GLO1: variants seen among roughly 807,000 people sequenced by gnomAD.
GLO1 encodes glyoxalase I.
In GLO1, 28 loss-of-function variants were observed where a neutral mutation model predicts 26.0. The observed-to-expected ratio is 1.08, with a 90% CI of 0.80 to 1.48. The LOEUF (loss-of-function observed/expected upper bound fraction) is 1.48. Among genes scored for constraint, GLO1 ranks in the 40% most tolerant of loss-of-function variants. The pLI, the probability that GLO1 is intolerant of heterozygous loss-of-function variation, is 0.00. For missense variants in GLO1, 225 were observed against 224.8 expected (o/e 1.00, Z -0.01); for synonymous variants, 78 against 77.6 (o/e 1.00, Z -0.03).
chr6:38,683,215 C>A, intron 3 of GLO1: 1 of 196,430 alleles, frequency 5.1e-6, no homozygotes, highest in Non-Finnish European at 1.0e-5. Context: ...ATGAAACTGC[C>A]ACTTACTTGT....
At chr6:38,685,442 T>A (rs1761449198) in intron 2 of GLO1, among the ~76,000 whole-genome samples, 1 of 152,196 alleles carries the variant, frequency 6.6e-6, no homozygotes, top group Admixed American at 6.5e-5. Context: ...TGAGAATGCA[T>A]ATATGATTTT....
intron 1 of GLO1, among the ~76,000 whole-genome samples, chr6:38,695,310 CATAT>C (rs891961195): frequency 7.9e-5 from 12 of 151,744 alleles, no homozygotes; most frequent in Admixed American, 7.2e-4. Flanking sequence ...ATACATATGG[CATAT>C]ATATACATAT....
At chr6:38,680,014 G>T (rs1182109278) in intron 5 of GLO1, among the ~76,000 whole-genome samples, 1 of 152,020 alleles carries the variant, frequency 6.6e-6, no homozygotes, top group Non-Finnish European at 1.5e-5. Flanking sequence ...CAGTGACAAA[G>T]AAATAATATA....
At chr6:38,683,456 T>C (rs1426495120) in intron 3 of GLO1, among the ~76,000 whole-genome samples, 1 of 152,234 alleles carries the variant, frequency 6.6e-6, no homozygotes, top group Admixed American at 6.5e-5. Context: ...GATATCACAT[T>C]TCTGGATCCA....
In GLO1 at chr6:38,693,658, G is replaced by GCTCTCTCTCTCTCTCTCT. The variant is rs71543936; in HGVS notation, c.85-6702_85-6685dup. ...ATGATCCCTTTTTCATTTTCATTCA[G>GCTCTCTCTCTCTCTCTCT]CTCTCTCTCTCTCTCTCTCTCTCTC... On this transcript the variant is annotated intron_variant, in intron 1 of 5. Coordinates refer to ENST00000373365, the MANE Select transcript of GLO1 (RefSeq NM_006708.3). Among the ~76,000 whole-genome samples, 29 of 127,604 alleles carry GCTCTCTCTCTCTCTCTCT rather than the reference G, an allele frequency of 2.3e-4. No individual in the cohort carries two copies. The East Asian group carries it at 2.4e-3, about 11-fold the overall frequency. 83.7% of individuals were successfully genotyped at this position (127,604 alleles called of 152,430 possible).
intron 3 of GLO1, among the ~76,000 whole-genome samples, chr6:38,684,003 A>T (rs1439670028): frequency 6.6e-6 from 1 of 152,156 alleles, no homozygotes; most frequent in Non-Finnish European, 1.5e-5. Flanking sequence ...TGAGGCCAGG[A>T]GTTTGAGACC....
chr6:38,688,700 T>G (rs753887434), intron 1 of GLO1, among the ~76,000 whole-genome samples: 1 of 152,198 alleles, frequency 6.6e-6, no homozygotes, highest in Non-Finnish European at 1.5e-5. Context: ...GCACTGGTTC[T>G]CAGTCTCAGG....
Position 38,676,768 on chromosome 6 carries a change from T to A in GLO1, c.*527A>T, listed in dbSNP as rs1323781219. 6.6e-6 allele frequency: 1 copy of A among 152,208 alleles called. No homozygotes were observed. Among genetic ancestry groups the A allele is most frequent in the Non-Finnish European group, 1.5e-5 (1 of 68,096 alleles). The allele number at this position is 152,208 out of a possible 1,614,324, so 9.4% of individuals were successfully genotyped here. A position where few individuals can be genotyped will look rare whatever the true frequency, so the allele number is the denominator to read the frequency against. On this transcript the variant is annotated 3_prime_UTR_variant, in exon 6 of 6. Transcript: ENST00000373365. ...AAATGTACTTTATAATAAGAAGAAA[T>A]CACTTTTTCTATCAGTATCCTTGTC...
At chr6:38,702,834 T>C in intron 1 of GLO1, 137 bp downstream of exon 1, 1 of 595,870 alleles carries the variant, frequency 1.7e-6, no homozygotes. Context: ...CAAACACCAT[T>C]ATCCCTCTTC....
At chr6:38,685,947 C>T (rs1761454873) in intron 2 of GLO1, among the ~76,000 whole-genome samples, 1 of 152,192 alleles carries the variant, frequency 6.6e-6, no homozygotes, top group Admixed American at 6.5e-5. Flanking sequence ...GCTTTGGTTT[C>T]TCCGTCTGTG....
intron 1 of GLO1, among the ~76,000 whole-genome samples, chr6:38,692,203 A>T (rs1266347474): frequency 2.0e-5 from 3 of 152,120 alleles, no homozygotes; most frequent in Non-Finnish European, 4.4e-5. Context: ...ATTTATTTAG[A>T]TCTATGACTT....
At chr6:38,692,392 C>T (rs1314154097) in intron 1 of GLO1, among the ~76,000 whole-genome samples, 4 of 152,068 alleles carry the variant, frequency 2.6e-5, no homozygotes, top group Non-Finnish European at 4.4e-5. Context: ...TTATTTTGTA[C>T]CCTGCAACCT....
Position 38,684,495 on chromosome 6 carries a change from A to G in GLO1, c.187T>C (p.Phe63Leu), listed in dbSNP as rs1268199502. The stretch of plus-strand genomic sequence containing the variant: ...TAGAGTGAAAACTTCATAATGGGAA[A>G]ATCACATTTTTGGATTAGCCTGCAA... The part of the protein sequence containing the change: ...LGMTLIQKCD[F>L]PIMKFSLYFL... The change falls in exon 3 of 6, where the codon TTT becomes CTT. Residue 63 changes from phenylalanine to leucine, a missense_variant. Transcript: ENST00000373365. 1 of 1,550,868 alleles carries G rather than the reference A, an allele frequency of 6.4e-7. No homozygotes were observed. Among genetic ancestry groups the G allele is most frequent in the Admixed American group, 2.0e-5 (1 of 50,468 alleles).
At chr6:38,702,508 G>T (rs1761718750) in intron 1 of GLO1, among the ~76,000 whole-genome samples, 1 of 152,170 alleles carries the variant, frequency 6.6e-6, no homozygotes, top group South Asian at 2.1e-4. Context: ...AAGCAAAAGT[G>T]AAATTCTGGG....
chr6:38,702,670 T>C (rs1761722091), intron 1 of GLO1, among the ~76,000 whole-genome samples: 1 of 152,210 alleles, frequency 6.6e-6, no homozygotes, highest in Non-Finnish European at 1.5e-5. Flanking sequence ...TCGTGGGCCT[T>C]GGCGACTGAT....
intron 3 of GLO1, among the ~76,000 whole-genome samples, chr6:38,683,818 C>T (rs985705426): frequency 2.6e-5 from 4 of 152,052 alleles, no homozygotes; most frequent in South Asian, 2.1e-4. Flanking sequence ...ATCCGGGAGG[C>T]AGAGCTTGCA....
chr6:38,683,750 A>G (rs557138885), intron 3 of GLO1, among the ~76,000 whole-genome samples: 3 of 151,844 alleles, frequency 2.0e-5, no homozygotes, highest in Non-Finnish European at 4.4e-5. Context: ...AGCTGGGCGT[A>G]GTGGCGGGCG....
At chr6:38,678,682 T>A (rs1672621532) in intron 5 of GLO1, among the ~76,000 whole-genome samples, 1 of 152,176 alleles carries the variant, frequency 6.6e-6, no homozygotes, top group Non-Finnish European at 1.5e-5. Context: ...AGGAGCCTTG[T>A]GCTTGTGAGA....
chr6:38,697,221 C>A (rs1171130923), intron 1 of GLO1, among the ~76,000 whole-genome samples: 1 of 152,134 alleles, frequency 6.6e-6, no homozygotes, highest in Non-Finnish European at 1.5e-5. Context: ...CCCAGAAAGT[C>A]TTCTTAAGGC....
Sources: gnomAD v4.1 joint callset for allele counts (sites outside exome capture counted in the v4.1 genomes callset) on GRCh38, gnomAD v4.1.1 for gene constraint, MANE v1.5 for transcripts, NCBI Gene and HGNC (gene_info 2026-07-23, HGNC 2026-07-21) for gene names.